MCM9: variants seen among roughly 807,000 people sequenced by gnomAD.
The protein encoded by MCM9 is DNA helicase MCM9.
In MCM9, 55 loss-of-function variants were observed where a neutral mutation model predicts 72.8. The observed-to-expected ratio is 0.76, with a 90% confidence interval of 0.61 to 0.95. The LOEUF (loss-of-function observed/expected upper bound fraction) is 0.95. Ranked by LOEUF, MCM9 falls within the 40% of genes least tolerant of loss-of-function variation. The pLI is 0.00. For synonymous variants in MCM9, 480 were observed against 503.4 expected, an observed-to-expected ratio of 0.95 and a Z score of 0.62; for missense variants, 1,279 against 1,377.0, an observed-to-expected ratio of 0.93 and a Z score of 1.13.
chr6:118,842,219 G>A (rs1775422310), intron 9 of MCM9, among the ~76,000 whole-genome samples: 1 of 152,172 alleles, frequency 6.6e-6, no homozygotes, highest in South Asian at 2.1e-4. Context: ...TCATAGAAAT[G>A]TTAAGTTTTC....
chr6:118,822,972 G>C (rs1023029943), intron 13 of MCM9, among the ~76,000 whole-genome samples: 1 of 152,092 alleles, frequency 6.6e-6, no homozygotes, highest in South Asian at 2.1e-4. Context: ...CTACAAGCTC[G>C]ATCATCCCAA....
intron 9 of MCM9, among the ~76,000 whole-genome samples, chr6:118,836,275 T>A (rs927346146): frequency 6.6e-6 from 1 of 152,250 alleles, no homozygotes; most frequent in Non-Finnish European, 1.5e-5. Flanking sequence ...GATTTTCTCA[T>A]CGATGTTCAT....
At position 118,917,560 on chromosome 6, in the gene MCM9, C is replaced by T. The variant is rs1781063140; in HGVS notation, c.904+1G>A. The T allele has an allele frequency of 6.2e-7, 1 of 1,613,958 alleles. No individual in the cohort carries two copies. Among genetic ancestry groups the T allele is most frequent in the Admixed American group, 1.7e-5 (1 of 60,024 alleles). Reference sequence around the variant, plus strand: ...ATCAGTTTTAGCCCTTAAACACAAACCTGCAAAGGGATCGCTCTTATAGTA... The same window carrying T: ...ATCAGTTTTAGCCCTTAAACACAAATCTGCAAAGGGATCGCTCTTATAGTA... On this transcript the variant is annotated splice_donor_variant, in intron 6 of 13. Transcript: ENST00000619706. LOFTEE classifies it high-confidence loss of function.
intron 8 of MCM9, 110 bp from the exon 9 acceptor site, chr6:118,856,655 G>A (rs1224416652): frequency 2.5e-5 from 30 of 1,186,480 alleles, no homozygotes; most frequent in Non-Finnish European, 3.3e-5. Context: ...GAGGTGAGAA[G>A]ATTTCTTGAA....
intron 8 of MCM9, among the ~76,000 whole-genome samples, chr6:118,870,289 A>G (rs1169747859): frequency 6.6e-6 from 1 of 152,224 alleles, no homozygotes; most frequent in African/African-American, 2.4e-5. Context: ...AACTGAATTC[A>G]TATCAAGTAT....
rs1562394645 is a variant in MCM9, at chr6:118,813,554, T to C, written c.*1270A>G. 1 of 152,224 alleles carries C rather than the reference T, an allele frequency of 6.6e-6. No individual in the cohort carries two copies. The allele number at this position is 152,224 out of a possible 1,614,324, so 9.4% of individuals were successfully genotyped here. A position where few individuals can be genotyped will look rare whatever the true frequency, so the allele number is the denominator to read the frequency against. On this transcript the variant is annotated 3_prime_UTR_variant, in exon 14 of 14. Transcript: ENST00000619706. ...ATTTGTTTTCAATGCGTGAATTGAA[T>C]GAAGTGAAAATTAAACAAAATACAT...
At chr6:118,838,443 G>A (rs1379253369) in intron 9 of MCM9, among the ~76,000 whole-genome samples, 3 of 151,764 alleles carry the variant, frequency 2.0e-5, no homozygotes, top group Non-Finnish European at 4.4e-5. Flanking sequence ...ACAGGCACCT[G>A]CCACCACGCC....
chr6:118,822,271 T>C (rs906401538), intron 13 of MCM9, among the ~76,000 whole-genome samples: 1 of 152,212 alleles, frequency 6.6e-6, no homozygotes, highest in Non-Finnish European at 1.5e-5. Context: ...CTACCTTTGA[T>C]CTTTGAGCTG....
At chr6:118,833,462 G>C (rs1347902046) in intron 9 of MCM9, among the ~76,000 whole-genome samples, 1 of 152,172 alleles carries the variant, frequency 6.6e-6, no homozygotes, top group Non-Finnish European at 1.5e-5. Flanking sequence ...CCACTGTTAA[G>C]TAATGAAGCC....
chr6:118,905,580 G>T, intron 8 of MCM9: 2 of 1,291,678 alleles, frequency 1.5e-6, no homozygotes. Context: ...CTAGGTAACT[G>T]AAACTCCAGT....
chr6:118,846,591 T>C (rs1165426382), intron 9 of MCM9, among the ~76,000 whole-genome samples: 1 of 151,146 alleles, frequency 6.6e-6, no homozygotes, highest in African/African-American at 2.5e-5. Flanking sequence ...GATCCCGGAG[T>C]AGATAGAGGA....
intron 9 of MCM9, among the ~76,000 whole-genome samples, chr6:118,852,808 C>T (rs890897576): frequency 2.6e-5 from 4 of 152,130 alleles, no homozygotes; most frequent in African/African-American, 9.7e-5. Context: ...TCATTCTCTT[C>T]CTCTAACCCC....
rs916046263 is a variant in MCM9 at position 118,847,574 on chromosome 6, A to C, written c.1325+8797T>G. ...TACAGATGAGCTAAGAAGTTTAAGAAAAAAAAATGGTTGCTGCAGAGCCTA... is the reference window on the plus strand; with the variant it reads ...TACAGATGAGCTAAGAAGTTTAAGACAAAAAAATGGTTGCTGCAGAGCCTA... On this transcript the variant is annotated intron_variant, in intron 9 of 13. Transcript: ENST00000619706. Among the ~76,000 whole-genome samples, 12 of 151,796 alleles carry C rather than the reference A, an allele frequency of 7.9e-5. No homozygotes were observed. In the East Asian group the frequency reaches 2.1e-3, roughly 27 times the overall value.
At chr6:118,909,610 A>G (rs1223933627) in intron 8 of MCM9, among the ~76,000 whole-genome samples, 1 of 152,222 alleles carries the variant, frequency 6.6e-6, no homozygotes, top group East Asian at 1.9e-4. Flanking sequence ...GACTTATGCC[A>G]CTAAGATGGA....
chr6:118,832,024 C>T (rs567450736), intron 9 of MCM9, among the ~76,000 whole-genome samples: 14 of 152,036 alleles, frequency 9.2e-5, no homozygotes, highest in Non-Finnish European at 1.6e-4. Flanking sequence ...TCCAGACTGC[C>T]GATTCTGCCT....
At chr6:118,900,620 A>C in intron 8 of MCM9, 1 of 632,194 alleles carries the variant, frequency 1.6e-6, no homozygotes, top group Admixed American at 2.8e-5. Context: ...GAACTTTATA[A>C]GGAGCATTTC....
chr6:118,876,724 G>A (rs1004838389), intron 8 of MCM9, among the ~76,000 whole-genome samples: 2 of 152,096 alleles, frequency 1.3e-5, no homozygotes, highest in Non-Finnish European at 2.9e-5. Flanking sequence ...CAACAGATTG[G>A]GAGAACGTAT....
chr6:118,840,072 A>T (rs1045248587), intron 9 of MCM9, among the ~76,000 whole-genome samples: 1 of 152,126 alleles, frequency 6.6e-6, no homozygotes, highest in Admixed American at 6.5e-5. Flanking sequence ...AATTTTATCT[A>T]TAAGCCCCTG....
chr6:118,899,528 T>TCAGATGCAG (rs1008183712), intron 8 of MCM9, among the ~76,000 whole-genome samples: 2 of 152,170 alleles, frequency 1.3e-5, no homozygotes, highest in African/African-American at 2.4e-5. Flanking sequence ...TCAGGAGATG[T>TCAGATGCAG]CAGATGCAGC....
Sources: allele counts gnomAD v4.1 joint callset (sites outside exome capture counted in the v4.1 genomes callset), GRCh38; gene constraint gnomAD v4.1.1; transcripts MANE v1.5; gene names NCBI Gene and HGNC (gene_info 2026-07-23, HGNC 2026-07-21).